Variants in MYRFL observed in about 807,000 individuals in gnomAD.
MYRFL encodes the protein myelin regulatory factor like.
MYRFL carries 88 observed loss-of-function variants against 109.4 expected under a neutral mutation model. The ratio of observed to expected loss-of-function variants is 0.80; its 90% CI spans 0.68 to 0.96. The LOEUF is 0.96. Among genes scored for constraint, MYRFL ranks in the 40% least tolerant of loss-of-function variants. The pLI is 0.00. For missense variants in MYRFL, 957 were observed against 954.9 expected (o/e 1.00, Z -0.03); for synonymous variants, 324 against 320.9 (o/e 1.01, Z -0.10).
At chr12:69,888,496 A>T (rs1312023517) in intron 6 of MYRFL, among the ~76,000 whole-genome samples, 1 of 152,232 alleles carries the variant, frequency 6.6e-6, no homozygotes, top group African/African-American at 2.4e-5. Flanking sequence ...AAGAACTTTT[A>T]AAAAGCCAGT....
At chr12:69,889,933 A>G (rs1180355401) in intron 6 of MYRFL, among the ~76,000 whole-genome samples, 1 of 152,152 alleles carries the variant, frequency 6.6e-6, no homozygotes, top group African/African-American at 2.4e-5. Flanking sequence ...TATATACACA[A>G]AGCATTGCTA....
chr12:69,886,756 G>T, intron 5 of MYRFL, 64 bp from the exon 6 acceptor site: 1 of 1,519,574 alleles, frequency 6.6e-7, no homozygotes, highest in Non-Finnish European at 8.8e-7. Flanking sequence ...GCTTCATGCT[G>T]CTAGCTGTGA....
chr12:69,854,024 G>C (rs369687128), intron 1 of MYRFL, among the ~76,000 whole-genome samples: 1 of 152,178 alleles, frequency 6.6e-6, no homozygotes, highest in Non-Finnish European at 1.5e-5. Context: ...GTAGTGAGCC[G>C]AGATCACGCC....
chr12:69,854,346 G>A (rs369745660), intron 1 of MYRFL, among the ~76,000 whole-genome samples: 6 of 141,770 alleles, frequency 4.2e-5, no homozygotes, highest in African/African-American at 5.2e-5. Context: ...AGGGGGAGGG[G>A]GAGGGAGAGG....
At chr12:69,833,120 A>G (rs1882735122) in intron 1 of MYRFL, among the ~76,000 whole-genome samples, 1 of 152,106 alleles carries the variant, frequency 6.6e-6, no homozygotes, top group Admixed American at 6.6e-5. Context: ...TCAATTTGGG[A>G]ATCATCAGCT....
intron 2 of MYRFL, among the ~76,000 whole-genome samples, chr12:69,862,675 T>A (rs1884760490): frequency 6.6e-6 from 1 of 151,952 alleles, no homozygotes; most frequent in Non-Finnish European, 1.5e-5. Flanking sequence ...TTTCTAGATA[T>A]ACAATCATGT....
At chr12:69,957,979 A>G (rs1323870208) in intron 23 of MYRFL, 37 bp downstream of exon 23, 5 of 1,511,198 alleles carry the variant, frequency 3.3e-6, no homozygotes, top group Non-Finnish European at 4.4e-6. Flanking sequence ...CCGCTGAGAG[A>G]GGGATACATT....
chr12:69,858,599 A>G (rs1421220437), intron 2 of MYRFL, among the ~76,000 whole-genome samples: 2 of 152,052 alleles, frequency 1.3e-5, no homozygotes, highest in East Asian at 1.9e-4. Context: ...GGAATTGATC[A>G]ATGTTATCTA....
chr12:69,883,872 T>C (rs1886284570), intron 5 of MYRFL, among the ~76,000 whole-genome samples: 1 of 151,838 alleles, frequency 6.6e-6, no homozygotes, highest in African/African-American at 2.4e-5. Context: ...CAAGACCCTG[T>C]CTAAAAAAGA....
intron 2 of MYRFL, among the ~76,000 whole-genome samples, chr12:69,868,141 C>G (rs1172552459): frequency 6.9e-6 from 1 of 145,210 alleles, no homozygotes; most frequent in African/African-American, 2.6e-5. Context: ...GAGTCTCGCT[C>G]TGTTGCCCAG....
At chr12:69,910,792 A>T in intron 12 of MYRFL, 29 bp from the exon 13 acceptor site, 1 of 1,448,000 alleles carries the variant, frequency 6.9e-7, no homozygotes, top group Non-Finnish European at 9.4e-7. Flanking sequence ...TTCTTTGAAG[A>T]TTAAACCTGT....
At chr12:69,903,556 T>C (rs1185474684) in intron 10 of MYRFL, 88 bp from the exon 11 acceptor site, 4 of 1,295,100 alleles carry the variant, frequency 3.1e-6, no homozygotes, top group Non-Finnish European at 4.2e-6. Flanking sequence ...TTAGATAATA[T>C]TCAGTTTGCC....
intron 1 of MYRFL, among the ~76,000 whole-genome samples, chr12:69,840,531 C>A (rs889751413): frequency 3.3e-5 from 5 of 152,350 alleles, no homozygotes; most frequent in East Asian, 1.9e-4. Context: ...CTGTTGACTT[C>A]CCTGTGCTCC....
At chr12:69,876,967 T>C (rs1254280166) in intron 2 of MYRFL, among the ~76,000 whole-genome samples, 2 of 144,052 alleles carry the variant, frequency 1.4e-5, no homozygotes, top group African/African-American at 5.1e-5. Context: ...TGGAGGTAGC[T>C]TTACAGGGTG....
rs922744878 is a variant in MYRFL at position 69,932,622 on chromosome 12, C to A, written c.1916+24C>A. The A allele has an allele frequency of 1.4e-5, 21 of 1,473,204 alleles. No individual in the cohort carries two copies. In the Admixed American group the frequency reaches 2.9e-4, roughly 21 times the overall value. 91.3% of individuals were successfully genotyped at this position (1,473,204 alleles called of 1,614,324 possible). ...TGGTAAGAAAAAGTTCACTGTTATG[C>A]CATGTCAAGCTCTTTTGTTCCTTCC... On this transcript the variant is annotated intron_variant, in intron 16 of 24. Transcript: ENST00000552032.
At chr12:69,855,456 T>C (rs1884218570) in intron 2 of MYRFL, 86 bp downstream of exon 2, 2 of 633,800 alleles carry the variant, frequency 3.2e-6, no homozygotes, top group Non-Finnish European at 5.8e-6. Flanking sequence ...CCTCCTCTTC[T>C]GTTTTCCAAA....
intron 2 of MYRFL, among the ~76,000 whole-genome samples, chr12:69,869,001 T>G (rs750142865): frequency 1.3e-5 from 2 of 152,034 alleles, no homozygotes; most frequent in African/African-American, 2.4e-5. Flanking sequence ...CACACACACA[T>G]GCACACACAT....
intron 1 of MYRFL, among the ~76,000 whole-genome samples, chr12:69,844,281 T>C (rs968269749): frequency 2.0e-5 from 3 of 152,150 alleles, no homozygotes; most frequent in Admixed American, 6.5e-5. Flanking sequence ...CCATCTCCTA[T>C]TTCTACCTGG....
intron 24 of MYRFL, 45 bp from the exon 25 acceptor site, chr12:69,958,400 A>T: frequency 6.6e-7 from 1 of 1,511,992 alleles, no homozygotes. Context: ...ACCACAGTTA[A>T]TTTTTACATT....
Sources: allele counts gnomAD v4.1 joint callset (sites outside exome capture counted in the v4.1 genomes callset), GRCh38; gene constraint gnomAD v4.1.1; transcripts MANE v1.5; gene names NCBI Gene and HGNC (gene_info 2026-07-23, HGNC 2026-07-21).